Variants in TANGO6 observed in about 807,000 individuals in gnomAD.
TANGO6 encodes the protein transport and golgi organization 6 homolog.
A neutral mutation model predicts 114.2 loss-of-function variants in TANGO6; 90 were observed. The observed-to-expected ratio is 0.79, with a 90% CI of 0.66 to 0.94. The LOEUF is 0.94. Ranked by LOEUF, TANGO6 falls within the 40% of genes least tolerant of loss-of-function variation. The probability of loss-of-function intolerance (pLI) is 0.00; values close to 1 mark genes in which losing one functional copy is unlikely to be tolerated. For missense variants in TANGO6, 1,274 were observed against 1,315.3 expected (o/e 0.97, Z 0.49); for synonymous variants, 477 against 509.8 (o/e 0.94, Z 0.87).
chr16:68,988,635 A>C (rs921652398), intron 15 of TANGO6, among the ~76,000 whole-genome samples: 1 of 150,494 alleles, frequency 6.6e-6, no homozygotes, highest in Non-Finnish European at 1.5e-5. Flanking sequence ...GACCTGTTTC[A>C]ATTTTTCAAT....
chr16:69,061,756 A>G (rs1444569996), intron 17 of TANGO6, among the ~76,000 whole-genome samples: 12 of 152,044 alleles, frequency 7.9e-5, no homozygotes, highest in Admixed American at 7.9e-4. Flanking sequence ...GCGGTGGCTC[A>G]CGCCTGTAAT....
chr16:68,947,139 A>C (rs1474690675), intron 14 of TANGO6, among the ~76,000 whole-genome samples: 1 of 152,176 alleles, frequency 6.6e-6, no homozygotes, highest in Admixed American at 6.5e-5. Flanking sequence ...AAATGATGAT[A>C]GAAATTGGCC....
chr16:69,009,983 A>G (rs1312483527), intron 15 of TANGO6, among the ~76,000 whole-genome samples: 1 of 152,190 alleles, frequency 6.6e-6, no homozygotes, highest in Non-Finnish European at 1.5e-5. Flanking sequence ...CCACCCCCAA[A>G]TGACTGTGCG....
At chr16:68,953,616 A>C (rs887457460) in intron 14 of TANGO6, among the ~76,000 whole-genome samples, 1 of 152,150 alleles carries the variant, frequency 6.6e-6, no homozygotes, top group African/African-American at 2.4e-5. Context: ...ACTTTACTAG[A>C]TAAAGGGTGG....
rs1271822860 is a variant in TANGO6, at chr16:69,083,478, C to T, written c.3109-7C>T. ...GACAGGCGGTCATGGCTGTCTCTCT[C>T]ATGCAGGTGCTGAGCGCCGTCCTCA... On this transcript the variant is annotated splice_polypyrimidine_tract_variant and splice_region_variant and intron_variant, in intron 17 of 17. Coordinates refer to ENST00000261778, the MANE Select transcript of TANGO6 (RefSeq NM_024562.2). 7 of 1,604,550 alleles carry T rather than the reference C, an allele frequency of 4.4e-6. No individual in the cohort carries two copies. Among genetic ancestry groups the T allele is most frequent in the Non-Finnish European group, 6.0e-6 (7 of 1,174,888 alleles).
intron 16 of TANGO6, chr16:69,036,093 G>A (rs965235626): frequency 6.6e-6 from 1 of 150,480 alleles, no homozygotes; most frequent in Admixed American, 6.6e-5. Flanking sequence ...AGAGGACTTA[G>A]AGTATAGAAA....
rs1961812769 is a variant in TANGO6, at chr16:68,846,707, A to G, written c.94+2996A>G. On this transcript the variant is annotated intron_variant, in intron 1 of 17. Transcript: ENST00000261778. Reference sequence around the variant, plus strand: ...TTTTTAGTAGAGACAGGTTTTCACCATATTGGCCAGGCTGGTCTGGAACTC... The same window carrying G: ...TTTTTAGTAGAGACAGGTTTTCACCGTATTGGCCAGGCTGGTCTGGAACTC... The G allele has an allele frequency of 2.5e-5, 4 of 162,934 alleles. No homozygotes were observed. The South Asian group carries it at 4.3e-4, about 17-fold the overall frequency. 10.1% of individuals were successfully genotyped at this position (162,934 alleles called of 1,614,324 possible). A position where few individuals can be genotyped will look rare whatever the true frequency, so the allele number is the denominator to read the frequency against.
At position 69,037,279 on chromosome 16, in the gene TANGO6, G is replaced by C. The variant is rs549024638; in HGVS notation, c.2995-3029G>C. Among the ~76,000 whole-genome samples the C allele has an allele frequency of 1.2e-4, 18 of 152,300 alleles. 1 individual carries two copies. The South Asian group carries it at 3.7e-3, about 32-fold the overall frequency. ...CAGCCTTACACTGAGAGCTGAGGTG[G>C]AAGCATGACCCGCTCAGCAAAGAGA... On this transcript the variant is annotated intron_variant, in intron 16 of 17. Transcript: ENST00000261778.
At position 69,048,959 on chromosome 16, in the gene TANGO6, C is replaced by T. The variant is rs144063785; in HGVS notation, c.3108+8538C>T. Among the ~76,000 whole-genome samples the T allele has an allele frequency of 7.2e-3, 1,091 of 152,202 alleles. 26 individuals carry two copies. Among genetic ancestry groups the T allele is most frequent in the South Asian group, 3.7e-3 (18 of 4,816 alleles). On this transcript the variant is annotated intron_variant, in intron 17 of 17. Coordinates refer to ENST00000261778, the MANE Select transcript of TANGO6 (RefSeq NM_024562.2). ...AAAGCCAGGCCCAGGCAGATGGGGC[C>T]GGCCTTCTGCAAGGCTGCTGCTGCT... is the stretch of plus-strand genomic sequence containing the variant.
Position 68,997,451 on chromosome 16 carries a change from G to C in TANGO6, c.2842+23283G>C, listed in dbSNP as rs1048762949. The stretch of plus-strand genomic sequence containing the variant: ...TTCCTCTCCTTTTTAGACCACATAG[G>C]GTAATGTCTGGACATTGCTATGGCA... On this transcript the variant is annotated intron_variant, in intron 15 of 17. Coordinates refer to ENST00000261778, the MANE Select transcript of TANGO6 (RefSeq NM_024562.2). Among the ~76,000 whole-genome samples, 4 of 152,124 alleles carry C rather than the reference G, an allele frequency of 2.6e-5. No homozygotes were observed. The East Asian group carries it at 7.7e-4, about 29-fold the overall frequency.
intron 7 of TANGO6, among the ~76,000 whole-genome samples, chr16:68,889,676 T>C (rs1025590066): frequency 1.3e-5 from 2 of 152,214 alleles, no homozygotes; most frequent in Admixed American, 6.6e-5. Flanking sequence ...TTAGCTTTTC[T>C]AAATGCTTTG....
chr16:68,973,272 TTTTTCTTTTTCGTCA>T (rs1963727266), intron 14 of TANGO6: 1 of 394,696 alleles, frequency 2.5e-6, no homozygotes, highest in African/African-American at 2.1e-5. Context: ...TTCTTTACTT[TTTTTCTTTTTCGTCA>T]CTGTTCTTTA....
In TANGO6 at chr16:68,892,511, CT is replaced by C. The variant is rs57046490; in HGVS notation, c.1378-7907del. 3.9e-3 allele frequency among the ~76,000 whole-genome samples: 542 copies of C among 138,230 alleles called. 1 individual carries two copies. The highest frequency in any genetic ancestry group is 5.3e-3 in the Admixed American group (72 of 13,666). The allele number at this position is 138,230 out of a possible 152,430, so 90.7% of individuals were successfully genotyped here. A position where few individuals can be genotyped will look rare whatever the true frequency, so the allele number is the denominator to read the frequency against. On this transcript the variant is annotated intron_variant, in intron 7 of 17. Transcript: ENST00000261778. ...ACGGGTAAGTGGAGGTTCAGTCTTT[CT>C]TTTTTTTTTTTTTTTGAGACGGAGT...
intron 15 of TANGO6, among the ~76,000 whole-genome samples, chr16:69,019,728 A>G (rs1053327557): frequency 6.6e-6 from 1 of 152,128 alleles, no homozygotes; most frequent in African/African-American, 2.4e-5. Context: ...TGTAGAGACA[A>G]ACTATCCCTA....
chr16:69,052,301 C>G (rs1489372011), intron 17 of TANGO6, among the ~76,000 whole-genome samples: 4 of 139,970 alleles, frequency 2.9e-5, no homozygotes, highest in Non-Finnish European at 6.0e-5. Flanking sequence ...CAGGGTCTTG[C>G]TCTGTCTCCC....
At chr16:69,050,314 C>T (rs1301481677) in intron 17 of TANGO6, among the ~76,000 whole-genome samples, 1 of 152,092 alleles carries the variant, frequency 6.6e-6, no homozygotes, top group Non-Finnish European at 1.5e-5. Context: ...GCATCTCCCT[C>T]ATGGCTAAAG....
intron 14 of TANGO6, among the ~76,000 whole-genome samples, chr16:68,967,977 T>C (rs1963662152): frequency 6.6e-6 from 1 of 152,128 alleles, no homozygotes; most frequent in Non-Finnish European, 1.5e-5. Flanking sequence ...TCAAAATATG[T>C]GTGTGGCTTT....
intron 14 of TANGO6, among the ~76,000 whole-genome samples, chr16:68,961,586 AAATG>A (rs1963591522): frequency 6.6e-6 from 1 of 152,250 alleles, no homozygotes; most frequent in African/African-American, 2.4e-5. Context: ...TTCATCATCC[AAATG>A]GCTTCCACTA....
intron 7 of TANGO6, among the ~76,000 whole-genome samples, chr16:68,896,377 G>A (rs1962704523): frequency 6.6e-6 from 1 of 152,006 alleles, no homozygotes; most frequent in South Asian, 2.1e-4. Context: ...GGGCTGGAGT[G>A]CAATGGCTCA....
Sources: allele counts gnomAD v4.1 joint callset (sites outside exome capture counted in the v4.1 genomes callset), GRCh38; gene constraint gnomAD v4.1.1; transcripts MANE v1.5; gene names NCBI Gene and HGNC (gene_info 2026-07-23, HGNC 2026-07-21).